The following UBE2H variants were observed in gnomAD, a reference collection of about 807,000 sequenced individuals.
UBE2H encodes ubiquitin conjugating enzyme E2 H.
In UBE2H, 3 loss-of-function variants were observed where a neutral mutation model predicts 29.0. The observed-to-expected ratio is 0.10, with a 90% confidence interval of 0.05 to 0.27. The LOEUF (loss-of-function observed/expected upper bound fraction) is 0.27, where lower values mean the gene tolerates loss of function less well. Ranked by LOEUF, UBE2H falls within the 10% of genes least tolerant of loss-of-function variation. The pLI is 1.00. For missense variants in UBE2H, 68 were observed against 228.2 expected (o/e 0.30, Z 4.52); for synonymous variants, 69 against 82.9 (o/e 0.83, Z 0.91).
chr7:129,910,689 C>T (rs145382661), intron 1 of UBE2H, among the ~76,000 whole-genome samples: 168 of 151,870 alleles, frequency 1.1e-3, no homozygotes, highest in African/African-American at 3.7e-3. Flanking sequence ...CAAGACCAGC[C>T]TGGACAACAC....
intron 1 of UBE2H, among the ~76,000 whole-genome samples, chr7:129,920,848 CAAAAAAAAAAA>C (rs11347186): frequency 2.7e-5 from 2 of 73,998 alleles, no homozygotes; most frequent in Non-Finnish European, 5.1e-5. Flanking sequence ...TAGAAAAAGT[CAAAAAAAAAAA>C]AAAAAAAAAA....
At chr7:129,839,575 T>C (rs1805389724) in intron 5 of UBE2H, 1 of 419,078 alleles carries the variant, frequency 2.4e-6, no homozygotes, top group African/African-American at 2.1e-5. Context: ...GAAGGACAAT[T>C]TTCCCAATTC....
At chr7:129,884,077 C>A (rs1806308684) in intron 1 of UBE2H, among the ~76,000 whole-genome samples, 1 of 151,990 alleles carries the variant, frequency 6.6e-6, no homozygotes, top group African/African-American at 2.4e-5. Context: ...GCCTGGGTGA[C>A]AGAGTGTGAC....
intron 3 of UBE2H, among the ~76,000 whole-genome samples, chr7:129,876,515 T>C (rs951921549): frequency 2.6e-5 from 4 of 152,234 alleles, no homozygotes; most frequent in African/African-American, 7.2e-5. Context: ...GATGTTATAG[T>C]TGATTAAAGG....
At chr7:129,910,890 AAAAC>A (rs1330355187) in intron 1 of UBE2H, among the ~76,000 whole-genome samples, 2 of 152,028 alleles carry the variant, frequency 1.3e-5, no homozygotes, top group African/African-American at 4.8e-5. Context: ...TCAAAAAACA[AAAAC>A]AAAAACAAAA....
intron 1 of UBE2H, among the ~76,000 whole-genome samples, chr7:129,893,055 C>G (rs1806528964): frequency 6.6e-6 from 1 of 152,026 alleles, no homozygotes; most frequent in Non-Finnish European, 1.5e-5. Flanking sequence ...ACTATGGTAC[C>G]CTGAATATTT....
At chr7:129,923,292 G>T (rs572829710) in intron 1 of UBE2H, among the ~76,000 whole-genome samples, 1 of 151,996 alleles carries the variant, frequency 6.6e-6, no homozygotes, top group Non-Finnish European at 1.5e-5. Flanking sequence ...CCTGCTTTTC[G>T]TAAGTTTGGT....
chr7:129,897,399 AC>A (rs1806620556), intron 1 of UBE2H, among the ~76,000 whole-genome samples: 1 of 152,050 alleles, frequency 6.6e-6, no homozygotes, highest in Non-Finnish European at 1.5e-5. Flanking sequence ...TGAATGGCTG[AC>A]CCCTGCTGCT....
intron 5 of UBE2H, among the ~76,000 whole-genome samples, chr7:129,844,495 T>C (rs1435889359): frequency 6.6e-6 from 1 of 152,236 alleles, no homozygotes; most frequent in African/African-American, 2.4e-5. Flanking sequence ...GATAAAAATG[T>C]GTCGATAATA....
Position 129,891,532 on chromosome 7 carries a change from G to T in UBE2H, c.54-10561C>A, listed in dbSNP as rs1033707694. ...ATGTAAAAATAAATAGGCCGGGCATGGTAGCTCACGCCTATAATCCCAGCA... is the reference window on the plus strand; with the variant it reads ...ATGTAAAAATAAATAGGCCGGGCATTGTAGCTCACGCCTATAATCCCAGCA... On this transcript the variant is annotated intron_variant, in intron 1 of 6. Transcript: ENST00000355621. Among the ~76,000 whole-genome samples, 9 of 152,264 alleles carry T rather than the reference G, an allele frequency of 5.9e-5. No individual in the cohort carries two copies. In the South Asian group the frequency reaches 1.2e-3, roughly 21 times the overall value.
intron 3 of UBE2H, among the ~76,000 whole-genome samples, chr7:129,867,718 G>GAAAAAAAAAAAAAAAAAAAAAAAAAA (rs1308277089): frequency 1.5e-4 from 3 of 19,648 alleles, no homozygotes; most frequent in African/African-American, 4.0e-4. Context: ...AAAAAAAAAA[G>GAAAAAAAAAAAAAAAAAAAAAAAAAA]AAAACCAAAA....
intron 3 of UBE2H, among the ~76,000 whole-genome samples, chr7:129,868,799 G>C (rs911565274): frequency 1.3e-5 from 2 of 152,066 alleles, no homozygotes; most frequent in African/African-American, 4.8e-5. Flanking sequence ...CATTAAAAGG[G>C]CCCATTTGAC....
At chr7:129,857,958 C>T (rs150770502) in intron 4 of UBE2H, among the ~76,000 whole-genome samples, 4 of 152,054 alleles carry the variant, frequency 2.6e-5, no homozygotes, top group Non-Finnish European at 5.9e-5. Flanking sequence ...AATTGAGGAA[C>T]AATCTATAAA....
intron 1 of UBE2H, among the ~76,000 whole-genome samples, chr7:129,941,676 C>T (rs1282711959): frequency 6.6e-6 from 1 of 151,974 alleles, no homozygotes; most frequent in Non-Finnish European, 1.5e-5. Flanking sequence ...CCTCAATCTC[C>T]TGAGCTCAAG....
chr7:129,922,703 T>C (rs1807187868), intron 1 of UBE2H, among the ~76,000 whole-genome samples: 2 of 152,160 alleles, frequency 1.3e-5, no homozygotes, highest in South Asian at 2.1e-4. Flanking sequence ...TGAGTCTACA[T>C]AGTAGGGTGG....
rs1156811311 is a variant in UBE2H at position 129,879,516 on chromosome 7, T to C, written c.205+52A>G. The C allele has an allele frequency of 3.3e-6, 5 of 1,517,750 alleles. No individual in the cohort carries two copies. The East Asian group carries it at 6.8e-5, about 21-fold the overall frequency. The allele number at this position is 1,517,750 out of a possible 1,614,324, so 94.0% of individuals were successfully genotyped here. On this transcript the variant is annotated intron_variant, in intron 3 of 6. Transcript: ENST00000355621. ...TACCTCCCCTGAAATGTAAGATTTT[T>C]CCCCCTTAGATTTCAAAACTCTCTA...
At chr7:129,915,657 A>G (rs772398574) in intron 1 of UBE2H, among the ~76,000 whole-genome samples, 2 of 152,234 alleles carry the variant, frequency 1.3e-5, no homozygotes, top group Non-Finnish European at 2.9e-5. Flanking sequence ...AGAAACACTG[A>G]AACAGAAAGG....
chr7:129,902,146 T>G (rs771516568), intron 1 of UBE2H, among the ~76,000 whole-genome samples: 5 of 152,172 alleles, frequency 3.3e-5, no homozygotes, highest in Admixed American at 3.3e-4. Context: ...AATAAAAAAA[T>G]GTAACTTTAG....
chr7:129,881,482 A>C (rs537505771), intron 1 of UBE2H, among the ~76,000 whole-genome samples: 2 of 152,132 alleles, frequency 1.3e-5, no homozygotes, highest in South Asian at 4.2e-4. Context: ...CCCCATCTCT[A>C]CTAAAAAATA....
Sources: gnomAD v4.1 joint callset for allele counts (sites outside exome capture counted in the v4.1 genomes callset) on GRCh38, gnomAD v4.1.1 for gene constraint, MANE v1.5 for transcripts, NCBI Gene and HGNC (gene_info 2026-07-23, HGNC 2026-07-21) for gene names.